Variants in MLYCD observed in about 807,000 individuals in gnomAD.
MLYCD encodes the protein malonyl-CoA decarboxylase, mitochondrial.
Under a neutral mutation model 35.8 loss-of-function variants are expected in MLYCD, and 27 were observed. The observed-to-expected ratio is 0.75, with a 90% CI of 0.56 to 1.04. The LOEUF is 1.04. MLYCD is among the 50% of genes least tolerant of loss of function. The probability of loss-of-function intolerance (pLI) is 0.00; values close to 1 mark genes in which losing one functional copy is unlikely to be tolerated. For synonymous variants in MLYCD, 403 were observed against 302.4 expected (o/e 1.33, Z -3.45); for missense variants, 917 against 665.1 (o/e 1.38, Z -4.17).
intron 3 of MLYCD, among the ~76,000 whole-genome samples, chr16:83,909,067 A>G (rs1907080765): frequency 6.6e-6 from 1 of 152,136 alleles, no homozygotes. Context: ...GACATTCCTG[A>G]TCACCAAGGA....
rs1334136885 is a variant in MLYCD at position 83,917,199 on chromosome 16, CTG to C, written c.*1717_*1718del. 3.1e-5 allele frequency: 4 copies of C among 129,258 alleles called. No homozygotes were observed. The highest frequency in any genetic ancestry group is 2.4e-4 in the East Asian group (1 of 4,150). The allele number at this position is 129,258 out of a possible 1,614,324, so 8.0% of individuals were successfully genotyped here. ...CGTCTCTGTGTGTGTCAGTGCACGT[CTG>C]TGTGTGCACGAGCGTCTCTGTGTGG... On this transcript the variant is annotated 3_prime_UTR_variant, in exon 5 of 5. Transcript: ENST00000262430.
chr16:83,914,691 A>G, intron 4 of MLYCD: 1 of 483,570 alleles, frequency 2.1e-6, no homozygotes, highest in Non-Finnish European at 3.8e-6. Flanking sequence ...AGGCAGGAGG[A>G]TGGCTTGGAC....
rs537959090 is a variant in MLYCD, at chr16:83,925,432, C to T, written c.*9943C>T. ...TTCCCTGGCCCAGGTTACAAAGTCT[C>T]CTTCCTGATTATGTGCATTAACTAA... On this transcript the variant is annotated 3_prime_UTR_variant, in exon 5 of 5. Coordinates refer to ENST00000262430, the MANE Select transcript of MLYCD (RefSeq NM_012213.3). The T allele has an allele frequency of 6.6e-6, 1 of 152,462 alleles. No individual in the cohort carries two copies. Among genetic ancestry groups the T allele is most frequent in the Non-Finnish European group, 1.5e-5 (1 of 68,210 alleles). 9.4% of individuals were successfully genotyped at this position (152,462 alleles called of 1,614,324 possible).
rs988514170 is a variant in MLYCD at position 83,917,239 on chromosome 16, CTG to C, written c.*1755_*1756del. 1 of 137,594 alleles carries C rather than the reference CTG, an allele frequency of 7.3e-6. No homozygotes were observed. The highest frequency in any genetic ancestry group is 1.5e-5 in the Non-Finnish European group (1 of 67,038). The allele number at this position is 137,594 out of a possible 1,614,324, so 8.5% of individuals were successfully genotyped here. ...CGTCTCTGTGTGGATCAGTGCACGT[CTG>C]TGTGCGTGTGCCCGAGCGTCTCTGT... On this transcript the variant is annotated 3_prime_UTR_variant, in exon 5 of 5. Coordinates refer to ENST00000262430, the MANE Select transcript of MLYCD (RefSeq NM_012213.3).
intron 3 of MLYCD, among the ~76,000 whole-genome samples, chr16:83,911,046 G>A (rs1907159658): frequency 6.6e-6 from 1 of 151,998 alleles, no homozygotes; most frequent in African/African-American, 2.4e-5. Context: ...GCATGATCTC[G>A]GCTCCCTGCA....
In MLYCD at chr16:83,915,348, C is replaced by T. The variant is rs571879180; in HGVS notation, c.1341C>T (p.Ser447=). 2 of 1,613,816 alleles carry T rather than the reference C, an allele frequency of 1.2e-6. No homozygotes were observed. Among genetic ancestry groups the T allele is most frequent in the Admixed American group, 1.7e-5 (1 of 60,032 alleles). Residue 447 remains serine (S), a synonymous_variant, in exon 5 of 5, where the codon TCC becomes TCT. Coordinates refer to ENST00000262430, the MANE Select transcript of MLYCD (RefSeq NM_012213.3). The stretch of plus-strand genomic sequence containing the variant: ...TGAGCCTCAGAGGCATCACCGGCTC[C>T]TGCGGCCTGATGGCCAACTACCGCT... ...ADVSLRGITG[S]CGLMANYRYF...
chr16:83,902,154 C>CGTGT lies in MLYCD; in HGVS notation c.528+2484_528+2485insGTGT, dbSNP rs371411628. Among the ~76,000 whole-genome samples, 13 of 84,452 alleles carry CGTGT rather than the reference C, an allele frequency of 1.5e-4. No individual in the cohort carries two copies. In the South Asian group the frequency reaches 3.3e-3, roughly 22 times the overall value. The allele number at this position is 84,452 out of a possible 152,430, so 55.4% of individuals were successfully genotyped here. On this transcript the variant is annotated intron_variant, in intron 1 of 4. Coordinates refer to ENST00000262430, the MANE Select transcript of MLYCD (RefSeq NM_012213.3). ...ATATGTGTGTGTGTGTGTGTGCGTG[C>CGTGT]GTATATATATATATATATATATATA...
At chr16:83,900,912 C>G (rs1187997279) in intron 1 of MLYCD, among the ~76,000 whole-genome samples, 3 of 152,210 alleles carry the variant, frequency 2.0e-5, no homozygotes, top group Admixed American at 6.5e-5. Context: ...TTGCTGATCA[C>G]CCACCCTAAT....
rs540739296 is a variant in MLYCD, at chr16:83,917,734, C to T, written c.*2245C>T. 10 of 152,386 alleles carry T rather than the reference C, an allele frequency of 6.6e-5. No homozygotes were observed. The highest frequency in any genetic ancestry group is 2.6e-4 in the Admixed American group (4 of 15,296). 9.4% of individuals were successfully genotyped at this position (152,386 alleles called of 1,614,324 possible). A position where few individuals can be genotyped will look rare whatever the true frequency, so the allele number is the denominator to read the frequency against. ...CCTGCGGAAACCTGCTGGGCCTTAC[C>T]GTCTTTGCTTAGCTTTTGGCCTAGA... On this transcript the variant is annotated 3_prime_UTR_variant, in exon 5 of 5. Transcript: ENST00000262430.
rs1421029927 is a variant in MLYCD at position 83,904,817 on chromosome 16, T to C, written c.529-2170T>C. Among the ~76,000 whole-genome samples, 3 of 152,212 alleles carry C rather than the reference T, an allele frequency of 2.0e-5. No individual in the cohort carries two copies. The East Asian group carries it at 5.8e-4, about 29-fold the overall frequency. On this transcript the variant is annotated intron_variant, in intron 1 of 4. Transcript: ENST00000262430. ...TCACCGTCTCCCAGGATGACCTCTG[T>C]GGACAGCTCCAGCTATTCAAAAGTT...
rs534447151 is a variant in MLYCD, at chr16:83,909,789, AT to A, written c.798+1522del. Among the ~76,000 whole-genome samples, 364 of 139,992 alleles carry A rather than the reference AT, an allele frequency of 2.6e-3. 1 individual carries two copies. The highest frequency in any genetic ancestry group is 2.5e-3 in the African/African-American group (97 of 38,098). The allele number at this position is 139,992 out of a possible 152,430, so 91.8% of individuals were successfully genotyped here. A position where few individuals can be genotyped will look rare whatever the true frequency, so the allele number is the denominator to read the frequency against. On this transcript the variant is annotated intron_variant, in intron 3 of 4. Transcript: ENST00000262430. ...AGGCATGTGCCACCATGCCCAGCTA[AT>A]TTTTTTTTTTTTTTGTATTTTTAGC...
At chr16:83,912,175 G>C in intron 3 of MLYCD, 43 bp from the exon 4 acceptor site, 15 of 1,613,750 alleles carry the variant, frequency 9.3e-6, no homozygotes, top group Non-Finnish European at 1.3e-5. Context: ...GTGGGCTGCA[G>C]AGCGGCCAGG....
intron 1 of MLYCD, among the ~76,000 whole-genome samples, chr16:83,900,726 T>TA (rs34911435): frequency 0.18 from 27,830 of 151,214 alleles, 2,798 homozygotes; most frequent in African/African-American, 0.27. Flanking sequence ...CAGTTGGTGT[T>TA]AAAAAAAAAT....
At chr16:83,905,386 A>G (rs766979267) in intron 1 of MLYCD, among the ~76,000 whole-genome samples, 18 of 152,188 alleles carry the variant, frequency 1.2e-4, no homozygotes, top group Non-Finnish European at 2.4e-4. Context: ...ATCTGTTACT[A>G]TGTAGTTTAT....
At position 83,921,260 on chromosome 16, in the gene MLYCD, G is replaced by C. The variant is rs567079283; in HGVS notation, c.*5771G>C. The C allele has an allele frequency of 6.6e-6, 1 of 151,288 alleles. No individual in the cohort carries two copies. Among genetic ancestry groups the C allele is most frequent in the Admixed American group, 6.6e-5 (1 of 15,184 alleles). 9.4% of individuals were successfully genotyped at this position (151,288 alleles called of 1,614,324 possible). On this transcript the variant is annotated 3_prime_UTR_variant, in exon 5 of 5. Coordinates refer to ENST00000262430, the MANE Select transcript of MLYCD (RefSeq NM_012213.3). ...GGAAGATGGATGAATAGATGGGTGG[G>C]TGGGTGGATGTTTGGATGGATGGTG... is the stretch of plus-strand genomic sequence containing the variant.
rs182951109 is a variant in MLYCD at position 83,907,154 on chromosome 16, G to A, written c.641+55G>A. 76 of 1,429,680 alleles carry A rather than the reference G, an allele frequency of 5.3e-5. 1 individual carries two copies. The East Asian group carries it at 1.0e-3, about 19-fold the overall frequency. The allele number at this position is 1,429,680 out of a possible 1,614,324, so 88.6% of individuals were successfully genotyped here. A position where few individuals can be genotyped will look rare whatever the true frequency, so the allele number is the denominator to read the frequency against. ...ACATACATTTTTCATATATATTTGT[G>A]TATGTTTTATATTGGCTAAAAGCTA... is the stretch of plus-strand genomic sequence containing the variant. On this transcript the variant is annotated intron_variant, in intron 2 of 4. Transcript: ENST00000262430.
At position 83,917,966 on chromosome 16, in the gene MLYCD, C is replaced by T. The variant is rs1907485102; in HGVS notation, c.*2477C>T. 6.6e-6 allele frequency: 1 copy of T among 152,204 alleles called. No individual in the cohort carries two copies. Among genetic ancestry groups the T allele is most frequent in the Admixed American group, 6.5e-5 (1 of 15,282 alleles). The allele number at this position is 152,204 out of a possible 1,614,324, so 9.4% of individuals were successfully genotyped here. On this transcript the variant is annotated 3_prime_UTR_variant, in exon 5 of 5. Coordinates refer to ENST00000262430, the MANE Select transcript of MLYCD (RefSeq NM_012213.3). ...GCACAGGCCGCTGGGAGGACGGGCT[C>T]AGGTGACATCTGCCGAGGCTTTGGC...
rs1386168329 is a variant in MLYCD, at chr16:83,916,964, CTA to C, written c.*1477_*1478del. The C allele has an allele frequency of 1.7e-5, 2 of 118,942 alleles. No homozygotes were observed. Among genetic ancestry groups the C allele is most frequent in the Non-Finnish European group, 3.4e-5 (2 of 59,448 alleles). 7.4% of individuals were successfully genotyped at this position (118,942 alleles called of 1,614,324 possible). A position where few individuals can be genotyped will look rare whatever the true frequency, so the allele number is the denominator to read the frequency against. ...GTCTGTGTGCGTGTGCACGAGCGTT[CTA>C]TGTGGATCAGTGCACGCCTGTGTGC... On this transcript the variant is annotated 3_prime_UTR_variant, in exon 5 of 5. Coordinates refer to ENST00000262430, the MANE Select transcript of MLYCD (RefSeq NM_012213.3).
Position 83,926,133 on chromosome 16 carries a change from T to G in MLYCD, c.*10644T>G, listed in dbSNP as rs1310436556. On this transcript the variant is annotated 3_prime_UTR_variant, in exon 5 of 5. Coordinates refer to ENST00000262430, the MANE Select transcript of MLYCD (RefSeq NM_012213.3). ...TCCACAGCCCCTTAAAGGCAGGGTCTTTCTGGCCACGCCTGGCCCTGGTCT... is the reference window on the plus strand; with the variant it reads ...TCCACAGCCCCTTAAAGGCAGGGTCGTTCTGGCCACGCCTGGCCCTGGTCT... 6.6e-6 allele frequency: 1 copy of G among 152,372 alleles called. No homozygotes were observed. The allele number at this position is 152,372 out of a possible 1,614,324, so 9.4% of individuals were successfully genotyped here.
Sources: allele counts gnomAD v4.1 joint callset (sites outside exome capture counted in the v4.1 genomes callset), GRCh38; gene constraint gnomAD v4.1.1; transcripts MANE v1.5; gene names NCBI Gene and HGNC (gene_info 2026-07-23, HGNC 2026-07-21).